Variants in EFCAB6 observed in about 807,000 individuals in gnomAD.
EFCAB6 encodes the protein EF-hand calcium binding domain 6, also known as EF-hand calcium-binding domain-containing protein 6.
Under a neutral mutation model 169.8 loss-of-function variants are expected in EFCAB6, and 156 were observed. The ratio of observed to expected loss-of-function variants is 0.92; its 90% CI spans 0.81 to 1.05. The LOEUF (loss-of-function observed/expected upper bound fraction) is 1.05. Among genes scored for constraint, EFCAB6 ranks in the 50% least tolerant of loss-of-function variants. The pLI, the probability that EFCAB6 is intolerant of heterozygous loss-of-function variation, is 0.00. For synonymous variants in EFCAB6, 698 were observed against 676.4 expected (o/e 1.03, Z -0.50); for missense variants, 1,800 against 1,829.1 (o/e 0.98, Z 0.29).
intron 26 of EFCAB6, among the ~76,000 whole-genome samples, chr22:43,563,333 C>T (rs192743226): frequency 6.6e-5 from 10 of 152,286 alleles, no homozygotes; most frequent in Middle Eastern, 3.4e-3. Context: ...TTGGAAAGTT[C>T]AAGAGGGGAG....
intron 24 of EFCAB6, among the ~76,000 whole-genome samples, 168 bp from the exon 25 acceptor site, chr22:43,580,827 T>C (rs2050674537): frequency 1.3e-5 from 2 of 152,170 alleles, no homozygotes; most frequent in African/African-American, 4.8e-5. Flanking sequence ...TGCTCTCAGG[T>C]AGACACACAC....
At chr22:43,750,168 C>T (rs1388255884) in intron 6 of EFCAB6, among the ~76,000 whole-genome samples, 3 of 151,984 alleles carry the variant, frequency 2.0e-5, no homozygotes, top group Non-Finnish European at 4.4e-5. Context: ...TCTGATATTG[C>T]AGAATCTTTG....
chr22:43,809,588 TTTTG>T (rs765114489), intron 1 of EFCAB6, among the ~76,000 whole-genome samples: 5 of 152,260 alleles, frequency 3.3e-5, no homozygotes, highest in Admixed American at 6.5e-5. Context: ...TTGCCTTTTG[TTTTG>T]TTTTTTTGTT....
intron 12 of EFCAB6, among the ~76,000 whole-genome samples, 166 bp from the exon 13 acceptor site, chr22:43,678,329 CTGTGTGTGTGTGTG>C (rs137787): frequency 1.3e-4 from 19 of 144,262 alleles, no homozygotes; most frequent in Non-Finnish European, 1.8e-4. Flanking sequence ...AACATGAGCA[CTGTGTGTGTGTGTG>C]TGTGTGTGTG....
intron 17 of EFCAB6, among the ~76,000 whole-genome samples, chr22:43,650,004 C>A (rs578147542): frequency 6.6e-6 from 1 of 152,294 alleles, no homozygotes; most frequent in East Asian, 1.9e-4. Context: ...AACACTCTGC[C>A]CCTTTTCCTC....
intron 10 of EFCAB6, among the ~76,000 whole-genome samples, chr22:43,693,604 T>C (rs2058479759): frequency 6.6e-6 from 1 of 150,542 alleles, no homozygotes; most frequent in Non-Finnish European, 1.5e-5. Flanking sequence ...TTACAGACTT[T>C]AATAATAACG....
chr22:43,752,994 C>G (rs2060823976), intron 6 of EFCAB6, among the ~76,000 whole-genome samples: 1 of 152,148 alleles, frequency 6.6e-6, no homozygotes, highest in Non-Finnish European at 1.5e-5. Context: ...TACTGACAAT[C>G]TACTGAATGC....
rs183601107 is a variant in EFCAB6 at position 43,795,983 on chromosome 22, C to T, written c.-8+13012G>A. On this transcript the variant is annotated intron_variant, in intron 2 of 31. Coordinates refer to ENST00000262726, the MANE Select transcript of EFCAB6 (RefSeq NM_022785.4). This position sits in a 1 kb window ranked among gnomAD's most constrained non-coding sequence, Gnocchi z 4.2. ...CCCCCACAGAAACACACACACCACACACAACTCACCCCCCACAGAAACACA... is the reference window on the plus strand; with the variant it reads ...CCCCCACAGAAACACACACACCACATACAACTCACCCCCCACAGAAACACA... Among the ~76,000 whole-genome samples, 9 of 150,008 alleles carry T rather than the reference C, an allele frequency of 6.0e-5. No individual in the cohort carries two copies. Among genetic ancestry groups the T allele is most frequent in the African/African-American group, 2.2e-4 (9 of 40,732 alleles).
intron 4 of EFCAB6, among the ~76,000 whole-genome samples, chr22:43,766,318 C>G (rs2061325261): frequency 6.6e-6 from 1 of 151,630 alleles, no homozygotes; most frequent in South Asian, 2.1e-4. Flanking sequence ...CAGGCATGAG[C>G]CACCACACCT....
At chr22:43,730,017 A>G (rs2051999724) in intron 8 of EFCAB6, among the ~76,000 whole-genome samples, 1 of 150,412 alleles carries the variant, frequency 6.6e-6, no homozygotes, top group South Asian at 2.1e-4. Context: ...TTTTAAAGTT[A>G]GCCAGGCATG....
chr22:43,600,469 C>T (rs150025161), intron 22 of EFCAB6, among the ~76,000 whole-genome samples: 11 of 152,198 alleles, frequency 7.2e-5, no homozygotes, highest in Non-Finnish European at 1.2e-4. Flanking sequence ...TGATCCGATC[C>T]GCATCCTCAT....
chr22:43,529,004 G>A (rs2146950530), intron 31 of EFCAB6, 29 bp from the exon 32 acceptor site: 2 of 1,545,132 alleles, frequency 1.3e-6, no homozygotes, highest in African/African-American at 1.4e-5. Flanking sequence ...GGGCCTCTGA[G>A]GCTTGTTTGG....
chr22:43,725,842 G>T (rs2059707179), intron 8 of EFCAB6, among the ~76,000 whole-genome samples: 1 of 152,078 alleles, frequency 6.6e-6, no homozygotes, highest in South Asian at 2.1e-4. Context: ...TCCACAAAAT[G>T]GTTTTGCCTC....
At chr22:43,749,622 C>T (rs566893057) in intron 6 of EFCAB6, among the ~76,000 whole-genome samples, 2 of 152,244 alleles carry the variant, frequency 1.3e-5, no homozygotes, top group East Asian at 3.9e-4. Context: ...TGACAGGAGG[C>T]GGAGCTCAGG....
chr22:43,608,384 C>T lies in EFCAB6; in HGVS notation c.2681+98G>A. The T allele has an allele frequency of 4.0e-6, 4 of 990,308 alleles. No homozygotes were observed. The South Asian group carries it at 4.5e-5, about 11-fold the overall frequency. The allele number at this position is 990,308 out of a possible 1,614,324, so 61.3% of individuals were successfully genotyped here. On this transcript the variant is annotated intron_variant, in intron 22 of 31. Coordinates refer to ENST00000262726, the MANE Select transcript of EFCAB6 (RefSeq NM_022785.4). ...AACCAAGAGAAAATACTCCCAGCCC[C>T]CAGTTACCCTGATGTAGGAAAGATT...
chr22:43,665,812 G>A (rs1322734544), intron 17 of EFCAB6, among the ~76,000 whole-genome samples: 2 of 152,176 alleles, frequency 1.3e-5, no homozygotes, highest in Non-Finnish European at 2.9e-5. Flanking sequence ...TTTTGAGACT[G>A]AGTCTTGCTC....
intron 17 of EFCAB6, among the ~76,000 whole-genome samples, chr22:43,657,250 G>A (rs2056794245): frequency 6.6e-6 from 1 of 152,052 alleles, no homozygotes; most frequent in Non-Finnish European, 1.5e-5. Flanking sequence ...AGTTGCGATG[G>A]CACCCCTGCC....
chr22:43,627,079 C>T (rs1289275140), intron 19 of EFCAB6, among the ~76,000 whole-genome samples: 1 of 152,212 alleles, frequency 6.6e-6, no homozygotes, highest in Non-Finnish European at 1.5e-5. Flanking sequence ...CTTCTGTCTA[C>T]AGCCAAACAA....
chr22:43,631,675 G>A (rs946647229), intron 19 of EFCAB6, among the ~76,000 whole-genome samples: 3 of 152,052 alleles, frequency 2.0e-5, no homozygotes, highest in Admixed American at 6.5e-5. Context: ...GGATTAGACC[G>A]AGCTCCCTGG....
Sources: allele counts gnomAD v4.1 joint callset (sites outside exome capture counted in the v4.1 genomes callset), GRCh38; gene constraint gnomAD v4.1.1; non-coding constraint Gnocchi (gnomAD v3.1); transcripts MANE v1.5; gene names NCBI Gene and HGNC (gene_info 2026-07-23, HGNC 2026-07-21).